Variants in FAP observed in about 807,000 individuals in gnomAD.
FAP encodes fibroblast activation protein alpha, also known as prolyl endopeptidase FAP.
In FAP, 110 loss-of-function variants were observed where a neutral mutation model predicts 126.5. That is an observed-to-expected ratio of 0.87 (90% confidence interval 0.74 to 1.02). The LOEUF is 1.02. Ranked by LOEUF, FAP falls within the 50% of genes least tolerant of loss-of-function variation. The probability of loss-of-function intolerance (pLI) is 0.00; values close to 1 mark genes in which losing one functional copy is unlikely to be tolerated. For synonymous variants in FAP, 334 were observed against 297.3 expected (o/e 1.12, Z -1.27); for missense variants, 919 against 909.2 (o/e 1.01, Z -0.14).
At position 162,219,089 on chromosome 2, in the gene FAP, T is replaced by C. The variant is rs771572557; in HGVS notation, c.581A>G (p.Asn194Ser). 2 of 1,605,638 alleles carry C rather than the reference T, an allele frequency of 1.2e-6. No individual in the cohort carries two copies. The highest frequency in any genetic ancestry group is 1.7e-6 in the Non-Finnish European group (2 of 1,175,198). The part of the protein sequence containing the change: ...TFNGRENKIF[N>S]GIPDWVYEEE... ...TTCATAAACCCAGTCTGGGATTCCA[T>C]TAAATATTTTATTTTCTCTTCCATT... Residue 194 changes from asparagine to serine, a missense_variant, in exon 8 of 26, where the codon AAT becomes AGT. By Grantham distance (46) the Asn-to-Ser change is conservative. Coordinates refer to ENST00000188790, the MANE Select transcript of FAP (RefSeq NM_004460.5).
chr2:162,226,681 C>G (rs1310266962), intron 2 of FAP, 60 bp from the exon 3 acceptor site: 2 of 907,590 alleles, frequency 2.2e-6, no homozygotes, highest in South Asian at 3.1e-5. Flanking sequence ...CAAATAAATT[C>G]TAAGCCTGGC....
At chr2:162,223,114 A>G (rs1237295787) in intron 6 of FAP, among the ~76,000 whole-genome samples, 1 of 152,180 alleles carries the variant, frequency 6.6e-6, no homozygotes, top group Non-Finnish European at 1.5e-5. Context: ...AGTATTTTAC[A>G]CGTCAGATAT....
At chr2:162,194,936 A>C in intron 16 of FAP, 188 bp from the exon 17 acceptor site, 1 of 591,906 alleles carries the variant, frequency 1.7e-6, no homozygotes, top group Non-Finnish European at 3.0e-6. Flanking sequence ...CATGAGATCA[A>C]AGCCCACTCA....
At chr2:162,198,940 T>C in intron 15 of FAP, 59 bp from the exon 16 acceptor site, 1 of 1,469,106 alleles carries the variant, frequency 6.8e-7, no homozygotes, top group Admixed American at 1.7e-5. Context: ...TATCAAAATG[T>C]ACTACTCCAT....
chr2:162,201,983 C>T (rs1192670933), intron 14 of FAP, among the ~76,000 whole-genome samples: 2 of 152,188 alleles, frequency 1.3e-5, no homozygotes, highest in Admixed American at 1.3e-4. Flanking sequence ...AGTCCAAACA[C>T]CTTTGCCCTC....
intron 25 of FAP, 175 bp from the exon 26 acceptor site, chr2:162,171,255 C>T (rs1257596707): frequency 3.3e-5 from 18 of 550,540 alleles, no homozygotes; most frequent in South Asian, 6.8e-5. Context: ...GAAGAGCTTT[C>T]GTTAACCTCC....
At position 162,171,032 on chromosome 2, in the gene FAP, A is replaced by T; in HGVS notation, c.2230T>A (p.Leu744Ile). The T allele has an allele frequency of 6.2e-7, 1 of 1,613,358 alleles. No homozygotes were observed. Among genetic ancestry groups the T allele is most frequent in the South Asian group, 1.1e-5 (1 of 91,060 alleles). ...HGLSGLSTNH[L>I]YTHMTHFLKQ... ...AGGAAGTGGGTCATGTGGGTGTATA[A>T]GTGGTTCGTGGACAGGCCGGATAAG... Residue 744 changes from leucine (L) to isoleucine (I), a missense_variant, in exon 26 of 26, where the codon TTA becomes ATA. By Grantham distance (5) the Leu-to-Ile change is conservative. Transcript: ENST00000188790.
intron 1 of FAP, 51 bp from the exon 2 acceptor site, chr2:162,243,043 A>C (rs1178405566): frequency 7.1e-7 from 1 of 1,414,560 alleles, no homozygotes; most frequent in African/African-American, 1.4e-5. Context: ...GCTAAATAGT[A>C]GAAATGGCAA....
chr2:162,219,972 G>T, intron 6 of FAP, 47 bp from the exon 7 acceptor site: 1 of 1,293,224 alleles, frequency 7.7e-7, no homozygotes, highest in Non-Finnish European at 1.1e-6. Flanking sequence ...GCTGTTTAAT[G>T]CAAAAAAATA....
At position 162,184,899 on chromosome 2, in the gene FAP, A is replaced by T. The variant is rs114617155; in HGVS notation, c.1815-1431T>A. Among the ~76,000 whole-genome samples, 333 of 152,272 alleles carry T rather than the reference A, an allele frequency of 2.2e-3. 1 individual carries two copies. The highest frequency in any genetic ancestry group is 7.7e-3 in the African/African-American group (321 of 41,564). ...ACATCTGGGGTAAAGAGCAAATAAC[A>T]GGTGATACATGGGAACAGGAAACTC... On this transcript the variant is annotated intron_variant, in intron 20 of 25. Transcript: ENST00000188790.
chr2:162,197,496 A>G, intron 16 of FAP: 2 of 455,344 alleles, frequency 4.4e-6, no homozygotes, highest in Non-Finnish European at 4.4e-6. Flanking sequence ...ACATATGGTC[A>G]TGAACAACAA....
intron 23 of FAP, among the ~76,000 whole-genome samples, chr2:162,173,441 A>T (rs1408990567): frequency 6.6e-6 from 1 of 151,996 alleles, no homozygotes; most frequent in East Asian, 1.9e-4. Context: ...TATGTTACAT[A>T]TGAGTGAGAC....
intron 21 of FAP, among the ~76,000 whole-genome samples, chr2:162,182,754 T>C (rs1448103564): frequency 1.3e-5 from 2 of 152,214 alleles, no homozygotes; most frequent in Non-Finnish European, 2.9e-5. Flanking sequence ...CTCAACTCTT[T>C]CCAATATTTC....
At position 162,198,406 on chromosome 2, in the gene FAP, C is replaced by G. The variant is rs377096210; in HGVS notation, c.1402+351G>C. On this transcript the variant is annotated intron_variant, in intron 16 of 25. Transcript: ENST00000188790. ...TGCGATTGCTCAGGTCTTGCGAAGC[C>G]TAGCTGACGGGTTGCCTCTGCACGC... 29 of 1,223,392 alleles carry G rather than the reference C, an allele frequency of 2.4e-5. No homozygotes were observed. The East Asian group carries it at 1.4e-3, about 58-fold the overall frequency. The allele number at this position is 1,223,392 out of a possible 1,614,324, so 75.8% of individuals were successfully genotyped here.
At chr2:162,198,186 T>C (rs1321689338) in intron 16 of FAP, 2 of 1,287,898 alleles carry the variant, frequency 1.6e-6, no homozygotes, top group African/African-American at 1.5e-5. Flanking sequence ...TACGATGTTT[T>C]CCAAATTTAG....
Position 162,218,893 on chromosome 2 carries a change from G to C in FAP, c.607+170C>G, listed in dbSNP as rs75427645. On this transcript the variant is annotated intron_variant, in intron 8 of 25. Transcript: ENST00000188790. Reference sequence around the variant, plus strand: ...AATTCTACCAGTTTTCTGATAACAAGAATTTGTTCTTTTAAAATACGTATG... The same window carrying C: ...AATTCTACCAGTTTTCTGATAACAACAATTTGTTCTTTTAAAATACGTATG... 4.2e-3 allele frequency among the ~76,000 whole-genome samples: 633 copies of C among 152,128 alleles called. 4 individuals carry two copies. Among genetic ancestry groups the C allele is most frequent in the Non-Finnish European group, 7.5e-3 (508 of 67,892 alleles).
intron 2 of FAP, among the ~76,000 whole-genome samples, chr2:162,230,413 G>A (rs1484144540): frequency 1.3e-5 from 2 of 151,078 alleles, no homozygotes; most frequent in African/African-American, 4.9e-5. Context: ...AATTGTATAA[G>A]ACATAGGTCT....
intron 14 of FAP, 43 bp from the exon 15 acceptor site, chr2:162,200,662 G>T: frequency 1.1e-6 from 1 of 893,764 alleles, no homozygotes; most frequent in Non-Finnish European, 1.7e-6. Context: ...ATAAATAAGT[G>T]ATAATAGGAT....
At position 162,176,058 on chromosome 2, in the gene FAP, A is replaced by G. The variant is rs1453355702; in HGVS notation, c.1870-1092T>C. The stretch of plus-strand genomic sequence containing the variant: ...CATACCATGTTTTTAGGACCTTATG[A>G]CCACAGATTTCTGGGAATCACTTCC... On this transcript the variant is annotated intron_variant, in intron 21 of 25. Transcript: ENST00000188790. 3 of 152,132 alleles carry G rather than the reference A, an allele frequency of 2.0e-5. No homozygotes were observed. The East Asian group carries it at 5.8e-4, about 29-fold the overall frequency. The allele number at this position is 152,132 out of a possible 1,614,324, so 9.4% of individuals were successfully genotyped here.
Sources: allele counts gnomAD v4.1 joint callset (sites outside exome capture counted in the v4.1 genomes callset), GRCh38; gene constraint gnomAD v4.1.1; transcripts MANE v1.5; gene names NCBI Gene and HGNC (gene_info 2026-07-23, HGNC 2026-07-21).